Variants in TLK1 observed in about 807,000 individuals in gnomAD.
TLK1 encodes serine/threonine-protein kinase tousled-like 1.
Under a neutral mutation model 105.3 loss-of-function variants are expected in TLK1, and 24 were observed. That is an observed-to-expected ratio of 0.23 (90% CI 0.17 to 0.32). The LOEUF (loss-of-function observed/expected upper bound fraction) is 0.32, where lower values mean the gene tolerates loss of function less well. Among genes scored for constraint, TLK1 ranks in the 10% least tolerant of loss-of-function variants. The pLI is 1.00. For missense variants in TLK1, 558 were observed against 910.5 expected, an observed-to-expected ratio of 0.61 and a Z score of 4.98; for synonymous variants, 321 against 310.4, an observed-to-expected ratio of 1.03 and a Z score of -0.36.
chr2:171,009,258 C>A (rs1172103468), intron 14 of TLK1, among the ~76,000 whole-genome samples: 1 of 132,946 alleles, frequency 7.5e-6, no homozygotes, highest in African/African-American at 3.1e-5. Context: ...AGGGTGTAGT[C>A]TTTGTCCCAT....
chr2:171,124,006 T>C (rs1239259302), intron 1 of TLK1, among the ~76,000 whole-genome samples: 4 of 152,246 alleles, frequency 2.6e-5, no homozygotes, highest in African/African-American at 9.6e-5. Context: ...TTTCAGTATG[T>C]CATCACAGTG....
chr2:171,031,224 A>T (rs934789633), intron 11 of TLK1, among the ~76,000 whole-genome samples: 2 of 152,158 alleles, frequency 1.3e-5, no homozygotes, highest in Non-Finnish European at 2.9e-5. Flanking sequence ...GGGATTATTA[A>T]TACCTGACAC....
chr2:171,087,432 TCAAA>T (rs1689030118), intron 2 of TLK1, among the ~76,000 whole-genome samples: 1 of 151,992 alleles, frequency 6.6e-6, no homozygotes, highest in Non-Finnish European at 1.5e-5. Context: ...GAGAAATTAC[TCAAA>T]CTAAAGAACA....
intron 1 of TLK1, among the ~76,000 whole-genome samples, chr2:171,136,001 A>G (rs1691303437): frequency 6.6e-6 from 1 of 152,206 alleles, no homozygotes; most frequent in South Asian, 2.1e-4. Flanking sequence ...CAGGATCTCA[A>G]AGACATTGCT....
intron 2 of TLK1, among the ~76,000 whole-genome samples, chr2:171,116,447 T>A (rs1263060043): frequency 6.6e-6 from 1 of 152,146 alleles, no homozygotes; most frequent in Non-Finnish European, 1.5e-5. Context: ...ACGCCTGTAA[T>A]CCCAGCACTT....
chr2:171,124,454 A>G (rs1292933625), intron 1 of TLK1, among the ~76,000 whole-genome samples: 2 of 152,182 alleles, frequency 1.3e-5, no homozygotes, highest in Non-Finnish European at 2.9e-5. Context: ...AGCTCAAACA[A>G]TTGTGAAAAT....
At chr2:171,225,121 A>G (rs1693874732) in intron 1 of TLK1, among the ~76,000 whole-genome samples, 1 of 152,226 alleles carries the variant, frequency 6.6e-6, no homozygotes, top group African/African-American at 2.4e-5. Flanking sequence ...ACAGGTAATG[A>G]TAAAAAAAAT....
Position 171,029,122 on chromosome 2 carries a change from A to G in TLK1, c.1170-717T>C, listed in dbSNP as rs570001872. Among the ~76,000 whole-genome samples, 4 of 152,336 alleles carry G rather than the reference A, an allele frequency of 2.6e-5. No individual in the cohort carries two copies. The South Asian group carries it at 6.2e-4, about 24-fold the overall frequency. ...CAAAAGGGTTGTGAGTAGTAGGAGA[A>G]GCAAGCTGGGGAGACATACTATGTA... On this transcript the variant is annotated intron_variant, in intron 11 of 20. Coordinates refer to ENST00000431350, the MANE Select transcript of TLK1 (RefSeq NM_012290.5).
At chr2:171,129,099 C>T (rs1021659857) in intron 1 of TLK1, among the ~76,000 whole-genome samples, 1 of 152,130 alleles carries the variant, frequency 6.6e-6, no homozygotes, top group African/African-American at 2.4e-5. Context: ...TCTGGTAAAA[C>T]TTGAGCTGGT....
At chr2:171,109,337 C>A (rs1338511010) in intron 2 of TLK1, among the ~76,000 whole-genome samples, 3 of 152,020 alleles carry the variant, frequency 2.0e-5, no homozygotes, top group African/African-American at 7.2e-5. Context: ...ATATTAATAA[C>A]CCTTGTGTTA....
chr2:171,216,368 C>T (rs948536126), intron 1 of TLK1, among the ~76,000 whole-genome samples: 4 of 151,964 alleles, frequency 2.6e-5, no homozygotes, highest in East Asian at 1.9e-4. Flanking sequence ...CCCAGCTACT[C>T]GGGAGGCTGA....
rs1685879459 is a variant in TLK1 at position 171,028,394 on chromosome 2, G to A, written c.1181C>T (p.Ala394Val). ...AATTTCTTCCTGTTCATGATATTCT[G>A]CCAAAGTCAACCTGTCAAAAATGAA... Reference protein sequence around the residue: ...RPNLPQLLTLAEYHEQEEIFK... With the variant: ...RPNLPQLLTLVEYHEQEEIFK... The change falls in exon 12 of 21, where the codon GCA becomes GTA. Residue 394 changes from alanine to valine, a missense_variant. Physicochemically the swap from Ala to Val is moderately conservative, Grantham distance 64 (BLOSUM62 0). Around this residue, in one of 5 missense-constraint regions of TLK1, gnomAD observed 218 missense variants for 492.9 expected, o/e 0.44. Coordinates refer to ENST00000431350, the MANE Select transcript of TLK1 (RefSeq NM_012290.5). The A allele has an allele frequency of 1.9e-6, 3 of 1,607,308 alleles. No individual in the cohort carries two copies. Among genetic ancestry groups the A allele is most frequent in the South Asian group, 1.1e-5 (1 of 90,556 alleles).
chr2:171,224,060 CT>C (rs959280267), intron 1 of TLK1, among the ~76,000 whole-genome samples: 4 of 151,950 alleles, frequency 2.6e-5, no homozygotes, highest in African/African-American at 9.7e-5. Context: ...CCATTTTTTT[CT>C]AGTAGTTTTA....
chr2:171,185,311 T>C (rs1693006809), intron 1 of TLK1, among the ~76,000 whole-genome samples: 2 of 152,218 alleles, frequency 1.3e-5, no homozygotes, highest in South Asian at 4.1e-4. Flanking sequence ...TTTTCCACTC[T>C]GTTTCTAGGA....
At chr2:171,128,195 G>A (rs559690995) in intron 1 of TLK1, among the ~76,000 whole-genome samples, 7 of 152,132 alleles carry the variant, frequency 4.6e-5, no homozygotes, top group Non-Finnish European at 8.8e-5. Flanking sequence ...AGTTACTAAA[G>A]CATAGGGTTT....
Position 171,061,499 on chromosome 2 carries a change from G to T in TLK1, c.331-343C>A, listed in dbSNP as rs536700446. Among the ~76,000 whole-genome samples the T allele has an allele frequency of 2.0e-5, 3 of 152,290 alleles. No individual in the cohort carries two copies. In the South Asian group the frequency reaches 6.2e-4, roughly 32 times the overall value. On this transcript the variant is annotated intron_variant, in intron 3 of 20. Transcript: ENST00000431350. Reference sequence around the variant, plus strand: ...AAAAAATCACCTTAGTGTTTCCTATGAGTTTTTTCCTATTAAGTTTTTCCT... The same window carrying T: ...AAAAAATCACCTTAGTGTTTCCTATTAGTTTTTTCCTATTAAGTTTTTCCT...
At chr2:171,032,571 A>C (rs1438095797) in intron 11 of TLK1, among the ~76,000 whole-genome samples, 2 of 152,206 alleles carry the variant, frequency 1.3e-5, no homozygotes, top group Non-Finnish European at 2.9e-5. Context: ...AAAACTACAA[A>C]ATATTGCTAA....
At chr2:171,153,277 A>C (rs1692112062) in intron 1 of TLK1, among the ~76,000 whole-genome samples, 1 of 152,248 alleles carries the variant, frequency 6.6e-6, no homozygotes, top group Non-Finnish European at 1.5e-5. Flanking sequence ...GGGAATAACA[A>C]CTGTATGTAA....
At chr2:171,105,875 A>C (rs1455686921) in intron 2 of TLK1, among the ~76,000 whole-genome samples, 1 of 152,224 alleles carries the variant, frequency 6.6e-6, no homozygotes, top group Non-Finnish European at 1.5e-5. Context: ...AAAGGAAAGG[A>C]AATCAGTATG....
Sources: gnomAD v4.1 joint callset for allele counts (sites outside exome capture counted in the v4.1 genomes callset) on GRCh38, gnomAD v4.1.1 for gene constraint, gnomAD v4.1.1 regional missense constraint, MANE v1.5 for transcripts, NCBI Gene and HGNC (gene_info 2026-07-23, HGNC 2026-07-21) for gene names.